ZNF385D: variants seen among roughly 807,000 people sequenced by gnomAD.
The protein encoded by ZNF385D is zinc finger protein 659.
In ZNF385D, 15 loss-of-function variants were observed where a neutral mutation model predicts 35.8. The observed-to-expected ratio is 0.42, with a 90% CI of 0.28 to 0.64. The LOEUF (loss-of-function observed/expected upper bound fraction) is 0.64, where lower values mean the gene tolerates loss of function less well. ZNF385D is among the 30% of genes least tolerant of loss of function. The probability of loss-of-function intolerance (pLI) is 0.23; values close to 1 mark genes in which losing one functional copy is unlikely to be tolerated. For missense variants in ZNF385D, 474 were observed against 494.6 expected, an observed-to-expected ratio of 0.96 and a Z score of 0.39; for synonymous variants, 212 against 186.8, an observed-to-expected ratio of 1.13 and a Z score of -1.10.
At chr3:21,788,250 G>A (rs1445595247) in intron 3 of ZNF385D, among the ~76,000 whole-genome samples, 1 of 152,230 alleles carries the variant, frequency 6.6e-6, no homozygotes, top group East Asian at 1.9e-4. Flanking sequence ...AGGCCGAGGT[G>A]AGTGAATCAC....
chr3:21,796,041 A>G (rs2072135791), intron 3 of ZNF385D, among the ~76,000 whole-genome samples: 1 of 152,190 alleles, frequency 6.6e-6, no homozygotes, highest in South Asian at 2.1e-4. Flanking sequence ...GAGTCCAGAA[A>G]ACTCTCAGTT....
chr3:21,846,747 A>C (rs1385660965), intron 3 of ZNF385D, among the ~76,000 whole-genome samples: 1 of 152,024 alleles, frequency 6.6e-6, no homozygotes, highest in Non-Finnish European at 1.5e-5. Context: ...GGAAAGGCTC[A>C]AAGAAGTGGC....
intron 3 of ZNF385D, among the ~76,000 whole-genome samples, chr3:21,990,853 A>T (rs1232028318): frequency 3.3e-5 from 5 of 152,188 alleles, no homozygotes; most frequent in Non-Finnish European, 7.3e-5. Context: ...CTTTGAAAAC[A>T]GAATGCTACA....
chr3:21,850,296 A>T, intron 3 of ZNF385D, among the ~76,000 whole-genome samples: 1 of 152,138 alleles, frequency 6.6e-6, no homozygotes, highest in East Asian at 1.9e-4. Context: ...TTGCACAGAA[A>T]GAAATATGGG....
intron 2 of ZNF385D, among the ~76,000 whole-genome samples, chr3:22,182,468 A>G (rs541989567): frequency 2.0e-5 from 3 of 152,232 alleles, no homozygotes; most frequent in Non-Finnish European, 4.4e-5. Context: ...AATTATGACA[A>G]TCTTTCCTTC....
chr3:22,335,260 A>G (rs1284030227), intron 2 of ZNF385D, among the ~76,000 whole-genome samples: 1 of 152,168 alleles, frequency 6.6e-6, no homozygotes, highest in Non-Finnish European at 1.5e-5. Context: ...TCACACCATG[A>G]TCATGATGGC....
intron 3 of ZNF385D, among the ~76,000 whole-genome samples, chr3:22,061,258 T>A (rs1021029289): frequency 6.6e-6 from 1 of 152,208 alleles, no homozygotes; most frequent in Non-Finnish European, 1.5e-5. Context: ...GTCATTTAAA[T>A]ATTAACTGAA....
chr3:21,513,806 C>A (rs1004816024), intron 3 of ZNF385D, among the ~76,000 whole-genome samples: 4 of 152,010 alleles, frequency 2.6e-5, no homozygotes, highest in African/African-American at 9.7e-5. Flanking sequence ...CCTAAATTAT[C>A]CTAGCATAAT....
intron 2 of ZNF385D, among the ~76,000 whole-genome samples, chr3:21,617,173 G>C (rs1267734739): frequency 1.3e-5 from 2 of 152,098 alleles, no homozygotes; most frequent in African/African-American, 2.4e-5. Flanking sequence ...AGCCACTAAA[G>C]GTACAAAATT....
chr3:21,772,100 T>C (rs114505357), intron 3 of ZNF385D, among the ~76,000 whole-genome samples: 3 of 151,916 alleles, frequency 2.0e-5, no homozygotes, highest in Admixed American at 6.6e-5. Context: ...AAGGCTTAAA[T>C]ATAAGAACGA....
chr3:22,129,503 GCTTT>G (rs1054792967), intron 3 of ZNF385D, among the ~76,000 whole-genome samples: 3 of 151,958 alleles, frequency 2.0e-5, no homozygotes, highest in African/African-American at 7.2e-5. Flanking sequence ...TTGGCTTGGT[GCTTT>G]CTTTTACTGG....
At chr3:22,330,032 G>A (rs1694862246) in intron 2 of ZNF385D, among the ~76,000 whole-genome samples, 1 of 151,992 alleles carries the variant, frequency 6.6e-6, no homozygotes, top group Non-Finnish European at 1.5e-5. Context: ...TGGCTTTTTT[G>A]TGTATTAATC....
At chr3:21,461,591 T>G (rs954476698) in intron 4 of ZNF385D, among the ~76,000 whole-genome samples, 3 of 151,686 alleles carry the variant, frequency 2.0e-5, no homozygotes, top group African/African-American at 7.3e-5. Context: ...CTCTTTGAAA[T>G]TGTTTTAATT....
chr3:22,069,432 T>C (rs1170886259), intron 3 of ZNF385D, among the ~76,000 whole-genome samples: 1 of 152,134 alleles, frequency 6.6e-6, no homozygotes, highest in Non-Finnish European at 1.5e-5. Context: ...GGAAATGATA[T>C]ATTAAACAAG....
intron 1 of ZNF385D, among the ~76,000 whole-genome samples, chr3:21,700,289 G>T (rs2067633719): frequency 6.6e-6 from 1 of 152,026 alleles, no homozygotes; most frequent in Non-Finnish European, 1.5e-5. Flanking sequence ...AGCCATGTAG[G>T]TTTCTAGGGG....
Position 22,147,356 on chromosome 3 carries a change from G to T in ZNF385D, c.325+21461C>A, listed in dbSNP as rs538239967. Among the ~76,000 whole-genome samples the T allele has an allele frequency of 3.9e-5, 6 of 152,236 alleles. No individual in the cohort carries two copies. The South Asian group carries it at 6.2e-4, about 16-fold the overall frequency. On this transcript the variant is annotated intron_variant, in intron 3 of 5. Coordinates refer to the ZNF385D transcript ENST00000494108. ...TGGGAACCACACCTGGCTTTTCAGA[G>T]CAGTACATATGCTTTCGGGCCATGG...
intron 3 of ZNF385D, among the ~76,000 whole-genome samples, chr3:22,122,175 C>A (rs751997069): frequency 6.6e-6 from 1 of 152,074 alleles, no homozygotes; most frequent in African/African-American, 2.4e-5. Context: ...GGGTAAAAAT[C>A]TGACTGCTTC....
chr3:22,071,546 T>C (rs1700229189), intron 3 of ZNF385D, among the ~76,000 whole-genome samples: 1 of 152,204 alleles, frequency 6.6e-6, no homozygotes. Flanking sequence ...CCTTTGAAGT[T>C]AATTTTATGC....
At chr3:21,719,743 T>C (rs1392976512) in intron 1 of ZNF385D, among the ~76,000 whole-genome samples, 1 of 151,372 alleles carries the variant, frequency 6.6e-6, no homozygotes, top group Non-Finnish European at 1.5e-5. Context: ...ACTCTCTCTC[T>C]CAGAGTATAA....
Sources: gnomAD v4.1 joint callset for allele counts (sites outside exome capture counted in the v4.1 genomes callset) on GRCh38, gnomAD v4.1.1 for gene constraint, MANE v1.5 for transcripts, NCBI Gene and HGNC (gene_info 2026-07-23, HGNC 2026-07-21) for gene names.